The following SULT4A1 variants were observed in gnomAD, a reference collection of about 807,000 sequenced individuals.
SULT4A1 encodes sulfotransferase family 4A member 1.
A neutral mutation model predicts 35.2 loss-of-function variants in SULT4A1; 11 were observed. The observed-to-expected ratio is 0.31, with a 90% CI of 0.20 to 0.52. SULT4A1 has a LOEUF of 0.52. SULT4A1 is among the 20% of genes least tolerant of loss of function. The pLI, the probability that SULT4A1 is intolerant of heterozygous loss-of-function variation, is 0.97. For synonymous variants in SULT4A1, 152 were observed against 151.8 expected (o/e 1.00, Z -0.01); for missense variants, 271 against 383.7 (o/e 0.71, Z 2.45).
intron 1 of SULT4A1, among the ~76,000 whole-genome samples, chr22:43,855,419 C>T (rs530275039): frequency 1.8e-4 from 27 of 152,326 alleles, no homozygotes; most frequent in Admixed American, 9.8e-4. Context: ...ATGCCCCTGC[C>T]GCTGGTGGGG....
chr22:43,846,207 C>A (rs1603408211), intron 1 of SULT4A1, among the ~76,000 whole-genome samples: 1 of 152,232 alleles, frequency 6.6e-6, no homozygotes, highest in East Asian at 1.9e-4. Flanking sequence ...TGCCTGGAGC[C>A]TCCTCACTCC....
intron 2 of SULT4A1, 47 bp from the exon 3 acceptor site, chr22:43,840,072 C>G: frequency 1.4e-6 from 2 of 1,402,584 alleles, no homozygotes; most frequent in Non-Finnish European, 2.0e-6. Flanking sequence ...AGGGTGAGAC[C>G]AAGGGGAGGA....
At chr22:43,853,062 C>T (rs1324365932) in intron 1 of SULT4A1, among the ~76,000 whole-genome samples, 2 of 151,930 alleles carry the variant, frequency 1.3e-5, no homozygotes, top group South Asian at 2.1e-4. Context: ...ACACCACATA[C>T]ATAACACACA....
At chr22:43,842,595 C>T (rs753879953) in intron 1 of SULT4A1, among the ~76,000 whole-genome samples, 12 of 152,066 alleles carry the variant, frequency 7.9e-5, no homozygotes, top group African/African-American at 7.2e-5. Context: ...TAGGATGTGA[C>T]GGAACTGCAG....
In SULT4A1 at chr22:43,848,837, T is replaced by C. The variant is rs1013355826; in HGVS notation, c.170-6905A>G. ...CAGGCCCCAGTAGATCCACCCTGAG[T>C]GGGGAAGAGTCAAGCTTTCAAACAG... On this transcript the variant is annotated intron_variant, in intron 1 of 6. Coordinates refer to ENST00000330884, the MANE Select transcript of SULT4A1 (RefSeq NM_014351.4). 8.6e-5 allele frequency among the ~76,000 whole-genome samples: 13 copies of C among 151,968 alleles called. 1 individual carries two copies. The highest frequency in any genetic ancestry group is 7.9e-4 in the Admixed American group (12 of 15,270).
At chr22:43,849,521 G>A (rs954359493) in intron 1 of SULT4A1, among the ~76,000 whole-genome samples, 2 of 152,130 alleles carry the variant, frequency 1.3e-5, no homozygotes, top group Non-Finnish European at 2.9e-5. Context: ...GTTGGACATC[G>A]GACAGAAGCA....
intron 1 of SULT4A1, among the ~76,000 whole-genome samples, chr22:43,853,154 A>C (rs898042560): frequency 1.3e-5 from 2 of 151,650 alleles, no homozygotes; most frequent in African/African-American, 4.8e-5. Context: ...TCCACACACA[A>C]ACACACAACA....
intron 1 of SULT4A1, among the ~76,000 whole-genome samples, chr22:43,858,846 G>A (rs2049433465): frequency 6.6e-6 from 1 of 152,110 alleles, no homozygotes; most frequent in Non-Finnish European, 1.5e-5. Context: ...AATCACAAGA[G>A]CACAGGGCCG....
Position 43,862,240 on chromosome 22 carries a change from A to C in SULT4A1, c.143T>G (p.Val48Gly). 1 of 1,564,758 alleles carries C rather than the reference A, an allele frequency of 6.4e-7. No homozygotes were observed. The highest frequency in any genetic ancestry group is 8.7e-7 in the Non-Finnish European group (1 of 1,154,926). Residue 48 changes from valine (V) to glycine (G), a missense_variant, in exon 1 of 7, where the codon GTG (valine) becomes GGG (glycine). By Grantham distance (109) the Val-to-Gly change is moderately radical. This residue lies in a region of SULT4A1 where 164 missense variants were observed against 254.1 expected (regional missense o/e 0.65). Coordinates refer to ENST00000330884, the MANE Select transcript of SULT4A1 (RefSeq NM_014351.4). ...IANFPVRPSD[V>G]WIVTYPKSGT... is the part of the protein sequence containing the mutation. ...GGACTTGGGGTAGGTGACGATCCAC[A>C]CGTCGCTGGGCCGCACCGGGAAGTT...
At chr22:43,833,615 G>A (rs763190885) in intron 5 of SULT4A1, 25 bp downstream of exon 5, 3 of 1,576,622 alleles carry the variant, frequency 1.9e-6, no homozygotes, top group East Asian at 2.3e-5. Flanking sequence ...GGCACCCGGA[G>A]GACAGCTGCT....
At position 43,838,987 on chromosome 22, in the gene SULT4A1, A is replaced by G; in HGVS notation, c.388T>C (p.Tyr130His). The stretch of plus-strand genomic sequence containing the variant: ...AGATCCTTGGGGTTGCGAGCCATAT[A>G]GATGACCTGTGGGTGACAGGAGCAG... Reference protein sequence around the residue: ...DLHNGDSKVIYMARNPKDLVV... With the variant: ...DLHNGDSKVIHMARNPKDLVV... Residue 130 changes from tyrosine to histidine, a missense_variant, in exon 4 of 7, where the codon TAT (tyrosine) becomes CAT (histidine). Physicochemically the swap from Tyr to His is moderately conservative, Grantham distance 83 (BLOSUM62 2). Coordinates refer to ENST00000330884, the MANE Select transcript of SULT4A1 (RefSeq NM_014351.4). The G allele has an allele frequency of 2.5e-6, 4 of 1,614,096 alleles. No homozygotes were observed. Among genetic ancestry groups the G allele is most frequent in the Non-Finnish European group, 3.4e-6 (4 of 1,179,934 alleles).
chr22:43,835,439 C>T (rs1273247994), intron 4 of SULT4A1, among the ~76,000 whole-genome samples: 5 of 152,184 alleles, frequency 3.3e-5, no homozygotes, highest in Non-Finnish European at 7.3e-5. Context: ...GGAGCGCTGG[C>T]TGTAGAGACT....
chr22:43,858,184 G>GTGGCCAGCCATGC (rs2049425355), intron 1 of SULT4A1, among the ~76,000 whole-genome samples: 1 of 152,170 alleles, frequency 6.6e-6, no homozygotes, highest in South Asian at 2.1e-4. Context: ...GCCAGCCATG[G>GTGGCCAGCCATGC]TGGCTCACAC....
At chr22:43,831,867 C>T (rs1418901297) in intron 5 of SULT4A1, among the ~76,000 whole-genome samples, 2 of 152,200 alleles carry the variant, frequency 1.3e-5, no homozygotes, top group African/African-American at 2.4e-5. Flanking sequence ...AAAAGGCTGT[C>T]AAGCCCCACG....
At chr22:43,827,644 A>C in intron 6 of SULT4A1, 1 of 1,366,362 alleles carries the variant, frequency 7.3e-7, no homozygotes. Flanking sequence ...CAATGTGCTA[A>C]AAGAAAACAA....
chr22:43,842,198 C>T (rs920333276), intron 1 of SULT4A1, among the ~76,000 whole-genome samples: 1 of 152,152 alleles, frequency 6.6e-6, no homozygotes, highest in Non-Finnish European at 1.5e-5. Context: ...GAACCCAGCC[C>T]CTGTTATGGA....
At chr22:43,861,899 C>T (rs1278351661) in intron 1 of SULT4A1, among the ~76,000 whole-genome samples, 2 of 152,250 alleles carry the variant, frequency 1.3e-5, no homozygotes, top group African/African-American at 4.8e-5. Context: ...AAGGGAGAAG[C>T]AGGGATGGGT....
intron 1 of SULT4A1, among the ~76,000 whole-genome samples, chr22:43,850,117 A>C (rs1339133057): frequency 6.6e-6 from 1 of 152,170 alleles, no homozygotes; most frequent in Non-Finnish European, 1.5e-5. Flanking sequence ...CTAGTTGAAA[A>C]AGTCAGTCCT....
chr22:43,827,232 A>G (rs910593098), intron 6 of SULT4A1: 1 of 985,410 alleles, frequency 1.0e-6, no homozygotes, highest in Non-Finnish European at 1.2e-6. Flanking sequence ...AATGTCCTTC[A>G]CTAGCTCCGT....
Sources: gnomAD v4.1 joint callset for allele counts (sites outside exome capture counted in the v4.1 genomes callset) on GRCh38, gnomAD v4.1.1 for gene constraint, gnomAD v4.1.1 regional missense constraint, MANE v1.5 for transcripts, NCBI Gene and HGNC (gene_info 2026-07-23, HGNC 2026-07-21) for gene names.